The following SMPD3 variants were observed in gnomAD, a reference collection of about 807,000 sequenced individuals.
SMPD3 encodes the protein sphingomyelin phosphodiesterase 3.
In SMPD3, 21 loss-of-function variants were observed where a neutral mutation model predicts 55.7. The ratio of observed to expected loss-of-function variants is 0.38; its 90% CI spans 0.27 to 0.54. SMPD3 has a LOEUF of 0.54. Ranked by LOEUF, SMPD3 falls within the 20% of genes least tolerant of loss-of-function variation. The pLI, the probability that SMPD3 is intolerant of heterozygous loss-of-function variation, is 0.80. For missense variants in SMPD3, 842 were observed against 899.6 expected, an observed-to-expected ratio of 0.94 and a Z score of 0.82; for synonymous variants, 457 against 404.3, an observed-to-expected ratio of 1.13 and a Z score of -1.56.
chr16:68,394,034 T>G (rs2090134657), intron 1 of SMPD3, among the ~76,000 whole-genome samples: 1 of 152,210 alleles, frequency 6.6e-6, no homozygotes, highest in African/African-American at 2.4e-5. Flanking sequence ...GTTGGATAAT[T>G]TATAATTCAA....
intron 1 of SMPD3, among the ~76,000 whole-genome samples, chr16:68,388,658 C>T (rs1057415270): frequency 1.3e-5 from 2 of 152,100 alleles, no homozygotes; most frequent in Admixed American, 6.5e-5. Context: ...CACTCCCATG[C>T]CCCACCAACT....
chr16:68,435,053 G>A (rs535487200), intron 1 of SMPD3, among the ~76,000 whole-genome samples: 19 of 152,268 alleles, frequency 1.2e-4, no homozygotes, highest in Admixed American at 2.6e-4. Context: ...GGTGGGAGGC[G>A]TGGCAGAAAG....
chr16:68,445,423 T>C (rs1029746942), intron 1 of SMPD3, among the ~76,000 whole-genome samples: 3 of 152,226 alleles, frequency 2.0e-5, no homozygotes, highest in Non-Finnish European at 4.4e-5. Flanking sequence ...AAGCCCTCTT[T>C]AAACATTTCC....
chr16:68,419,007 G>A (rs2090363423), intron 1 of SMPD3, among the ~76,000 whole-genome samples: 1 of 152,168 alleles, frequency 6.6e-6, no homozygotes, highest in African/African-American at 2.4e-5. Context: ...GAGAGAGTGT[G>A]GCATGAGGGC....
intron 1 of SMPD3, among the ~76,000 whole-genome samples, chr16:68,418,729 G>A (rs1005024290): frequency 2.0e-5 from 3 of 152,224 alleles, no homozygotes; most frequent in African/African-American, 7.2e-5. Flanking sequence ...TCAAAGGGGA[G>A]GTAGCTTGGG....
At chr16:68,374,732 C>T (rs1294735073) in intron 2 of SMPD3, among the ~76,000 whole-genome samples, 1 of 152,206 alleles carries the variant, frequency 6.6e-6, no homozygotes, top group Non-Finnish European at 1.5e-5. Context: ...GGGTTCCCCC[C>T]CAGCAAACCT....
At chr16:68,382,040 C>G (rs1323616036) in intron 2 of SMPD3, 1 of 152,218 alleles carries the variant, frequency 6.6e-6, no homozygotes, top group Non-Finnish European at 1.5e-5. Context: ...AAAGTCCATT[C>G]CTACCTGTCC....
intron 1 of SMPD3, among the ~76,000 whole-genome samples, chr16:68,396,874 T>C (rs1415068412): frequency 6.6e-6 from 1 of 152,226 alleles, no homozygotes; most frequent in East Asian, 1.9e-4. Flanking sequence ...CACGTGTGTG[T>C]TGTGAGTGCC....
Position 68,359,351 on chromosome 16 carries a change from A to T in SMPD3, c.*1855T>A, listed in dbSNP as rs2089091958. 1 of 152,346 alleles carries T rather than the reference A, an allele frequency of 6.6e-6. No individual in the cohort carries two copies. The highest frequency in any genetic ancestry group is 6.5e-5 in the Admixed American group (1 of 15,284). The allele number at this position is 152,346 out of a possible 1,614,324, so 9.4% of individuals were successfully genotyped here. On this transcript the variant is annotated 3_prime_UTR_variant, in exon 9 of 9. Transcript: ENST00000219334. ...TGGGCCGGGCAGAGAGCCCAGCAGG[A>T]TGCTCGCCCTCAGCAGCCCCTTCCT...
At chr16:68,427,525 C>G (rs1337282749) in intron 1 of SMPD3, among the ~76,000 whole-genome samples, 3 of 152,208 alleles carry the variant, frequency 2.0e-5, no homozygotes, top group Admixed American at 2.0e-4. Flanking sequence ...CCTGTAGCCA[C>G]ACATGGTTAT....
chr16:68,389,378 G>A (rs1047523051), intron 1 of SMPD3, among the ~76,000 whole-genome samples: 7 of 152,210 alleles, frequency 4.6e-5, no homozygotes, highest in African/African-American at 9.7e-5. Context: ...GCAGCTCCAC[G>A]GGAGATGTCC....
rs1394994244 is a variant in SMPD3 at position 68,372,341 on chromosome 16, C to T, written c.-160G>A. 46 of 956,402 alleles carry T rather than the reference C, an allele frequency of 4.8e-5. No individual in the cohort carries two copies. Among genetic ancestry groups the T allele is most frequent in the South Asian group, 1.1e-4 (7 of 61,582 alleles). The allele number at this position is 956,402 out of a possible 1,614,324, so 59.2% of individuals were successfully genotyped here. ...TGGTCAATGGCGAATGTTGGCCAGC[C>T]GGTCATGGTTCACCTCGGTGGGCCA... On this transcript the variant is annotated 5_prime_UTR_variant, in exon 3 of 9. Transcript: ENST00000219334.
At chr16:68,372,624 A>G (rs1162451354) in intron 2 of SMPD3, among the ~76,000 whole-genome samples, 1 of 152,184 alleles carries the variant, frequency 6.6e-6, no homozygotes, top group African/African-American at 2.4e-5. Flanking sequence ...GACTGCCCCT[A>G]ACTAACCATC....
chr16:68,375,773 T>A (rs1425666336), intron 2 of SMPD3, among the ~76,000 whole-genome samples: 2 of 152,172 alleles, frequency 1.3e-5, no homozygotes, highest in African/African-American at 2.4e-5. Flanking sequence ...CAGAGGACTG[T>A]CTTTGGTCCT....
rs1465388207 is a variant in SMPD3, at chr16:68,404,521, G to A, written c.-268-17862C>T. On this transcript the variant is annotated intron_variant, in intron 1 of 8. Transcript: ENST00000219334. This position sits in a 1 kb window ranked among gnomAD's most constrained non-coding sequence, Gnocchi z 4.0. ...TCTGTTTTATCCTGGAATCTCCATG[G>A]GCCTCAGCTTAGCAATTGTGAGGGT... Among the ~76,000 whole-genome samples the A allele has an allele frequency of 6.6e-6, 1 of 152,108 alleles. No homozygotes were observed. Among genetic ancestry groups the A allele is most frequent in the African/African-American group, 2.4e-5 (1 of 41,398 alleles).
At chr16:68,396,995 G>C (rs1031629596) in intron 1 of SMPD3, among the ~76,000 whole-genome samples, 3 of 152,156 alleles carry the variant, frequency 2.0e-5, no homozygotes, top group Admixed American at 6.5e-5. Flanking sequence ...ACAACGTCTT[G>C]TTTCATCCCC....
Position 68,371,863 on chromosome 16 carries a change from C to T in SMPD3, c.319G>A (p.Gly107Ser), listed in dbSNP as rs773865321. Residue 107 changes from glycine (G) to serine (S), a missense_variant, in exon 3 of 9, where the codon GGT (glycine) becomes AGT (serine). By Grantham distance (56) the Gly-to-Ser change is moderately conservative (BLOSUM62 0). This residue lies in a region of SMPD3 where 193 missense variants were observed against 256.0 expected (regional missense o/e 0.75). Coordinates refer to ENST00000219334, the MANE Select transcript of SMPD3 (RefSeq NM_018667.4). ...CATTCACTGAGCAGGGCTGCCCCACCGGCCAGGCCCTTGTCTTCCAGCCGT... is the reference window on the plus strand; with the variant it reads ...CATTCACTGAGCAGGGCTGCCCCACTGGCCAGGCCCTTGTCTTCCAGCCGT... ...YSRLEDKGLA[G>S]GAALLSEWKG... The T allele has an allele frequency of 4.8e-5, 77 of 1,606,214 alleles. No homozygotes were observed. The highest frequency in any genetic ancestry group is 5.6e-5 in the Non-Finnish European group (66 of 1,177,592).
At chr16:68,431,159 A>G (rs990737937) in intron 1 of SMPD3, among the ~76,000 whole-genome samples, 2 of 152,192 alleles carry the variant, frequency 1.3e-5, no homozygotes, top group African/African-American at 4.8e-5. Flanking sequence ...TGTAACTGGC[A>G]AGGAGCCAGG....
chr16:68,420,517 T>C (rs931374822), intron 1 of SMPD3, among the ~76,000 whole-genome samples: 2 of 152,170 alleles, frequency 1.3e-5, no homozygotes, highest in African/African-American at 4.8e-5. Context: ...CCTCCCATTA[T>C]CCCTGCCCAG....
Sources: gnomAD v4.1 joint callset for allele counts (sites outside exome capture counted in the v4.1 genomes callset) on GRCh38, gnomAD v4.1.1 for gene constraint, gnomAD v4.1.1 regional missense constraint, Gnocchi (gnomAD v3.1) non-coding constraint, MANE v1.5 for transcripts, NCBI Gene and HGNC (gene_info 2026-07-23, HGNC 2026-07-21) for gene names.